Variants in IL4R observed in about 807,000 individuals in gnomAD.
IL4R encodes interleukin 4 receptor.
In IL4R, 17 loss-of-function variants were observed where a neutral mutation model predicts 41.5. The observed-to-expected ratio is 0.41, with a 90% confidence interval of 0.28 to 0.61. The LOEUF is 0.61. Among genes scored for constraint, IL4R ranks in the 20% least tolerant of loss-of-function variants. The probability of loss-of-function intolerance (pLI) is 0.31; values close to 1 mark genes in which losing one functional copy is unlikely to be tolerated. For synonymous variants in IL4R, 402 were observed against 422.9 expected (o/e 0.95, Z 0.61); for missense variants, 974 against 1,043.1 (o/e 0.93, Z 0.91).
chr16:27,338,463 C>T (rs1015237130), intron 2 of IL4R, among the ~76,000 whole-genome samples: 1 of 151,998 alleles, frequency 6.6e-6, no homozygotes, highest in African/African-American at 2.4e-5. Flanking sequence ...AAGCCATCCT[C>T]CCTCCTTAGC....
rs117201910 is a variant in IL4R, at chr16:27,329,043, G to A, written c.-151-1023G>A. Among the ~76,000 whole-genome samples the A allele has an allele frequency of 1.1e-3, 175 of 152,190 alleles. 6 individuals are homozygous for A. The East Asian group carries it at 0.032, about 28-fold the overall frequency. ...AGGTGGGTCCTGGTGGGAGATGTTGGGTCATGGGGACGGGTCCCTCATGGT... is the reference window on the plus strand; with the variant it reads ...AGGTGGGTCCTGGTGGGAGATGTTGAGTCATGGGGACGGGTCCCTCATGGT... On this transcript the variant is annotated intron_variant, in intron 1 of 10. Coordinates refer to ENST00000395762, the MANE Select transcript of IL4R (RefSeq NM_000418.4).
At position 27,364,045 on chromosome 16, in the gene IL4R, G is replaced by T. The variant is rs2086413502; in HGVS notation, c.*215G>T. ...TTGGGCTGGGCTCGCCACATCCCATGAGAGTAGAGGGCACTGGGTCGCCGT... is the reference window on the plus strand; with the variant it reads ...TTGGGCTGGGCTCGCCACATCCCATTAGAGTAGAGGGCACTGGGTCGCCGT... On this transcript the variant is annotated 3_prime_UTR_variant, in exon 11 of 11. Transcript: ENST00000395762. The T allele has an allele frequency of 5.2e-6, 3 of 573,436 alleles. No homozygotes were observed. In the Admixed American group the frequency reaches 1.0e-4, roughly 19 times the overall value. 35.5% of individuals were successfully genotyped at this position (573,436 alleles called of 1,614,324 possible).
chr16:27,364,029 G>A lies in IL4R; in HGVS notation c.*199G>A. 1.6e-6 allele frequency: 1 copy of A among 625,596 alleles called. No individual in the cohort carries two copies. Among genetic ancestry groups the A allele is most frequent in the South Asian group, 2.0e-5 (1 of 48,956 alleles). The allele number at this position is 625,596 out of a possible 1,614,324, so 38.8% of individuals were successfully genotyped here. On this transcript the variant is annotated 3_prime_UTR_variant, in exon 11 of 11. Transcript: ENST00000395762. ...TGGACCCCGCCCAGCATTGGGCTGG[G>A]CTCGCCACATCCCATGAGAGTAGAG...
chr16:27,346,127 C>G (rs1375290321), intron 5 of IL4R, among the ~76,000 whole-genome samples: 1 of 151,378 alleles, frequency 6.6e-6, no homozygotes, highest in Non-Finnish European at 1.5e-5. Context: ...GGGAGCCCAG[C>G]GCAGGCAGAT....
Position 27,363,470 on chromosome 16 carries a change from CCTGGGCAGT to C in IL4R, c.2119_2127del (p.Leu707_Ser709del). Reference sequence around the variant, plus strand: ...AGGCCACAGACCCCCTTGTGGACAGCCTGGGCAGTGGCATTGTCTACTCAGCCCTTACCT... The same window carrying C: ...AGGCCACAGACCCCCTTGTGGACAGCGGCATTGTCTACTCAGCCCTTACCT... On this transcript the variant is annotated inframe_deletion, in exon 11 of 11. Coordinates refer to ENST00000395762, the MANE Select transcript of IL4R (RefSeq NM_000418.4). 6.2e-7 allele frequency: 1 copy of C among 1,614,020 alleles called. No individual in the cohort carries two copies. The highest frequency in any genetic ancestry group is 1.7e-5 in the Admixed American group (1 of 60,008).
In IL4R at chr16:27,362,260, A is replaced by G. The variant is rs1567337574; in HGVS notation, c.908A>G (p.Lys303Arg). The part of the protein sequence containing the change: ...GQEPAKCPHW[K>R]NCLTKLLPCF... The stretch of plus-strand genomic sequence containing the variant: ...AACCTTTGCTTTTGCAGACACTGGA[A>G]GAATTGTCTTACCAAGCTCTTGCCC... Residue 303 changes from lysine (K) to arginine (R), a missense_variant, in exon 11 of 11, where the codon AAG becomes AGG. By Grantham distance (26) the Lys-to-Arg change is conservative. This residue lies in a region of IL4R where 682 missense variants were observed against 704.3 expected (regional missense o/e 0.97). Coordinates refer to ENST00000395762, the MANE Select transcript of IL4R (RefSeq NM_000418.4). 1 of 1,613,854 alleles carries G rather than the reference A, an allele frequency of 6.2e-7. No individual in the cohort carries two copies. The highest frequency in any genetic ancestry group is 1.7e-5 in the Admixed American group (1 of 59,998).
At chr16:27,332,939 G>A (rs1054902254) in intron 2 of IL4R, among the ~76,000 whole-genome samples, 57 of 152,100 alleles carry the variant, frequency 3.7e-4, no homozygotes, top group Admixed American at 5.2e-4. Context: ...TTATTCGGAA[G>A]TGTGTTTTTA....
chr16:27,352,996 A>T (rs1434967023), intron 7 of IL4R, among the ~76,000 whole-genome samples: 1 of 152,172 alleles, frequency 6.6e-6, no homozygotes, highest in Non-Finnish European at 1.5e-5. Context: ...AAATCTGGGG[A>T]GTGAGGTTCT....
intron 3 of IL4R, 174 bp from the exon 4 acceptor site, chr16:27,341,947 G>A (rs3024686): frequency 4.6e-4 from 287 of 622,366 alleles, no homozygotes; most frequent in Non-Finnish European, 6.9e-4. Flanking sequence ...CAGTCATCCC[G>A]ACACTAGCTG....
chr16:27,329,469 A>C (rs1444889401), intron 1 of IL4R, among the ~76,000 whole-genome samples: 1 of 152,006 alleles, frequency 6.6e-6, no homozygotes, highest in East Asian at 1.9e-4. Flanking sequence ...TGAGGTCAGG[A>C]GTTTAAGACC....
intron 2 of IL4R, 84 bp from the exon 3 acceptor site, chr16:27,340,102 G>T: frequency 1.2e-6 from 1 of 828,296 alleles, no homozygotes. Context: ...TAAATGGCCA[G>T]GGCAGGGGAG....
chr16:27,326,212 C>T (rs965910661), intron 1 of IL4R, among the ~76,000 whole-genome samples: 2 of 152,242 alleles, frequency 1.3e-5, no homozygotes, highest in East Asian at 3.9e-4. Flanking sequence ...CACTTCTTTG[C>T]TCAAAACGCT....
At position 27,340,056 on chromosome 16, in the gene IL4R, C is replaced by T. The variant is rs944758553; in HGVS notation, c.-18-130C>T. ...TTGGAGACAGAGCGAGACTCTGTCT[C>T]GGAAAAACAAACAAACAAGCAAACA... On this transcript the variant is annotated intron_variant, in intron 2 of 10. Transcript: ENST00000395762. 6.4e-5 allele frequency: 41 copies of T among 644,226 alleles called. No homozygotes were observed. The East Asian group carries it at 6.6e-4, about 10-fold the overall frequency. The allele number at this position is 644,226 out of a possible 1,614,324, so 39.9% of individuals were successfully genotyped here.
In IL4R at chr16:27,363,480, G is replaced by A. The variant is rs2086380689; in HGVS notation, c.2128G>A (p.Gly710Ser). Residue 710 changes from glycine (G) to serine (S), a missense_variant, in exon 11 of 11, where the codon GGC becomes AGC. Around this residue, in one of 3 missense-constraint regions of IL4R, gnomAD observed 682 missense variants for 704.3 expected, o/e 0.97. Transcript: ENST00000395762. ...TDPLVDSLGS[G>S]IVYSALTCHL... The stretch of plus-strand genomic sequence containing the variant: ...CCCCCTTGTGGACAGCCTGGGCAGT[G>A]GCATTGTCTACTCAGCCCTTACCTG... 6.2e-7 allele frequency: 1 copy of A among 1,614,124 alleles called. No individual in the cohort carries two copies. The highest frequency in any genetic ancestry group is 1.1e-5 in the South Asian group (1 of 91,072).
At chr16:27,328,224 G>A (rs200682542) in intron 1 of IL4R, among the ~76,000 whole-genome samples, 3,363 of 106,182 alleles carry the variant, frequency 0.032, 146 homozygotes, top group East Asian at 0.16. Flanking sequence ...AAAAAAAAAA[G>A]ATTGTTGAAT....
rs199663662 is a variant in IL4R at position 27,344,303 on chromosome 16, A to AG, written c.210-564dup. On this transcript the variant is annotated intron_variant, in intron 4 of 10. Transcript: ENST00000395762. The stretch of plus-strand genomic sequence containing the variant: ...CTGGGTGACAGTGAGACTTTGTCTC[A>AG]GGAAAAAAAAACAAAAACAAAAAAC... 8.2e-3 allele frequency among the ~76,000 whole-genome samples: 1,238 copies of AG among 150,586 alleles called. 17 individuals carry two copies. Among genetic ancestry groups the AG allele is most frequent in the African/African-American group, 0.028 (1,131 of 40,966 alleles).
chr16:27,326,576 G>A (rs1231631486), intron 1 of IL4R, among the ~76,000 whole-genome samples: 2 of 152,158 alleles, frequency 1.3e-5, no homozygotes, highest in African/African-American at 4.8e-5. Flanking sequence ...TAAGGCAGGA[G>A]GATCACTTGA....
At position 27,352,655 on chromosome 16, in the gene IL4R, C is replaced by A. The variant is rs2085919206; in HGVS notation, c.629C>A (p.Thr210Asn). ...AGGGCCTGGGCTCAGTGCTATAACA[C>A]CACCTGGAGTGAGTGGAGCCCCAGC... ...RVRAWAQCYN[T>N]TWSEWSPSTK... The change falls in exon 7 of 11, where the codon ACC (threonine) becomes AAC (asparagine). Residue 210 changes from threonine to asparagine, a missense_variant. Thr to Asn is a moderately conservative substitution (Grantham distance 65). Coordinates refer to ENST00000395762, the MANE Select transcript of IL4R (RefSeq NM_000418.4). The A allele has an allele frequency of 1.2e-6, 2 of 1,614,220 alleles. No individual in the cohort carries two copies. The highest frequency in any genetic ancestry group is 1.7e-6 in the Non-Finnish European group (2 of 1,180,030).
intron 1 of IL4R, among the ~76,000 whole-genome samples, chr16:27,320,136 G>A (rs1001789487): frequency 1.3e-5 from 2 of 152,116 alleles, no homozygotes; most frequent in Admixed American, 6.6e-5. Context: ...CAAAGTGCTG[G>A]GATTACAGGC....
Sources: gnomAD v4.1 joint callset for allele counts (sites outside exome capture counted in the v4.1 genomes callset) on GRCh38, gnomAD v4.1.1 for gene constraint, gnomAD v4.1.1 regional missense constraint, MANE v1.5 for transcripts, NCBI Gene and HGNC (gene_info 2026-07-23, HGNC 2026-07-21) for gene names.